Variants in RYR2 observed in about 807,000 individuals in gnomAD.
The protein encoded by RYR2 is cardiac muscle ryanodine receptor-calcium release channel.
In RYR2, 227 loss-of-function variants were observed where a neutral mutation model predicts 601.1. That is an observed-to-expected ratio of 0.38 (90% CI 0.34 to 0.42). The LOEUF (loss-of-function observed/expected upper bound fraction) is 0.42, where lower values mean the gene tolerates loss of function less well. Among genes scored for constraint, RYR2 ranks in the 10% least tolerant of loss-of-function variants. The pLI, the probability that RYR2 is intolerant of heterozygous loss-of-function variation, is 1.00. For missense variants in RYR2, 4,646 were observed against 6,156.5 expected, an observed-to-expected ratio of 0.75 and a Z score of 8.21; for synonymous variants, 2,223 against 2,175.1, an observed-to-expected ratio of 1.02 and a Z score of -0.61.
intron 96 of RYR2, among the ~76,000 whole-genome samples, chr1:237,797,104 A>C (rs1209400215): frequency 6.7e-6 from 1 of 149,616 alleles, no homozygotes; most frequent in African/African-American, 2.5e-5. Context: ...TTACTGTGTA[A>C]GACTCACTCA....
chr1:237,727,146 GA>G lies in RYR2; in HGVS notation c.10789del (p.Arg3597GlyfsTer4). On this transcript the variant is annotated frameshift_variant, in exon 76 of 105. Transcript: ENST00000366574. LOFTEE classifies it high-confidence loss of function. Reference sequence around the variant, plus strand: ...GGCATAAACTACTGTCCAAGCAGAGGAAAAGGGCTGTTGTAGCCTGCTTCCG... The same window carrying G: ...GGCATAAACTACTGTCCAAGCAGAGGAAAGGGCTGTTGTAGCCTGCTTCCG... ...VWHKLLSKQR[K>X]RAVVACFRMA... is the part of the protein sequence containing the mutation. 1 of 1,603,864 alleles carries G rather than the reference GA, an allele frequency of 6.2e-7. No individual in the cohort carries two copies. Among genetic ancestry groups the G allele is most frequent in the Non-Finnish European group, 8.5e-7 (1 of 1,172,926 alleles).
chr1:237,183,190 A>C (rs1282038591), intron 1 of RYR2, among the ~76,000 whole-genome samples: 1 of 152,158 alleles, frequency 6.6e-6, no homozygotes, highest in Non-Finnish European at 1.5e-5. Flanking sequence ...ATATCATCCT[A>C]ACTTCTTAAC....
intron 1 of RYR2, among the ~76,000 whole-genome samples, chr1:237,129,677 A>G (rs1418946807): frequency 6.7e-6 from 1 of 149,578 alleles, no homozygotes; most frequent in Non-Finnish European, 1.5e-5. Flanking sequence ...TATGATATAT[A>G]GTATGATATA....
chr1:237,641,170 C>T (rs1434191436), intron 47 of RYR2, among the ~76,000 whole-genome samples, 168 bp downstream of exon 47: 3 of 152,016 alleles, frequency 2.0e-5, no homozygotes, highest in Non-Finnish European at 4.4e-5. Flanking sequence ...GGAAATGTCT[C>T]GTTGGTTGTA....
intron 37 of RYR2, among the ~76,000 whole-genome samples, chr1:237,616,896 A>G (rs956137754): frequency 4.6e-5 from 7 of 152,098 alleles, no homozygotes; most frequent in African/African-American, 1.7e-4. Context: ...TGTGCAGGGG[A>G]ACTTCCATTT....
rs1572049125 is a variant in RYR2, at chr1:237,159,155, G to T, written c.49-111342G>T. Among the ~76,000 whole-genome samples the T allele has an allele frequency of 3.3e-5, 5 of 152,272 alleles. No homozygotes were observed. In the South Asian group the frequency reaches 1.0e-3, roughly 32 times the overall value. On this transcript the variant is annotated intron_variant, in intron 1 of 104. Coordinates refer to ENST00000366574, the MANE Select transcript of RYR2 (RefSeq NM_001035.3). ...AAAAATACAAAATTAGCTGCGCGTG[G>T]TGGTGCATGCCTGTAATCCCAGCTA...
At chr1:237,090,363 C>T (rs551233227) in intron 1 of RYR2, among the ~76,000 whole-genome samples, 15 of 151,982 alleles carry the variant, frequency 9.9e-5, no homozygotes, top group African/African-American at 3.4e-4. Context: ...TTATCTCGTG[C>T]GGGGGCAGTG....
At position 237,654,222 on chromosome 1, in the gene RYR2, A is replaced by T. The variant is rs557183983; in HGVS notation, c.7825-52A>T. 187 of 1,588,940 alleles carry T rather than the reference A, an allele frequency of 1.2e-4. 1 individual carries two copies. The highest frequency in any genetic ancestry group is 5.5e-4 in the Admixed American group (30 of 54,866). On this transcript the variant is annotated intron_variant, in intron 51 of 104. Transcript: ENST00000366574. ...GTGATATGAGGAGAAATGAAAAAAAAATATAAAAGGTTTTGATAGCTCATT... is the reference window on the plus strand; with the variant it reads ...GTGATATGAGGAGAAATGAAAAAAATATATAAAAGGTTTTGATAGCTCATT...
intron 27 of RYR2, among the ~76,000 whole-genome samples, chr1:237,550,983 C>T (rs1572839452): frequency 6.6e-6 from 1 of 152,142 alleles, no homozygotes; most frequent in East Asian, 1.9e-4. Flanking sequence ...CCTCCCCTAG[C>T]CCACCAGCCC....
intron 2 of RYR2, among the ~76,000 whole-genome samples, chr1:237,273,353 G>A (rs1285931137): frequency 6.6e-6 from 1 of 152,204 alleles, no homozygotes; most frequent in African/African-American, 2.4e-5. Flanking sequence ...TGTACATACA[G>A]ATGAAGCTTG....
At chr1:237,376,773 A>T (rs1321478237) in intron 7 of RYR2, among the ~76,000 whole-genome samples, 1 of 152,164 alleles carries the variant, frequency 6.6e-6, no homozygotes, top group Middle Eastern at 3.2e-3. Context: ...TTACCTTTAG[A>T]TTAATAGAAA....
chr1:237,658,823 A>T (rs1424733644), intron 54 of RYR2, among the ~76,000 whole-genome samples: 2 of 152,238 alleles, frequency 1.3e-5, no homozygotes, highest in African/African-American at 4.8e-5. Context: ...GCAGTTTACT[A>T]AAAATAGATT....
chr1:237,493,748 A>G (rs528702638), intron 19 of RYR2, among the ~76,000 whole-genome samples: 51 of 152,290 alleles, frequency 3.3e-4, no homozygotes, highest in South Asian at 1.5e-3. Context: ...CACTGCGCCC[A>G]GCCCCTTCAA....
chr1:237,715,101 T>G (rs1226889356), intron 71 of RYR2, among the ~76,000 whole-genome samples: 1 of 151,576 alleles, frequency 6.6e-6, no homozygotes, highest in Non-Finnish European at 1.5e-5. Context: ...ATGGGCCATG[T>G]TATTACATCT....
At chr1:237,579,299 C>G (rs1673628910) in intron 29 of RYR2, among the ~76,000 whole-genome samples, 1 of 135,980 alleles carries the variant, frequency 7.4e-6, no homozygotes, top group African/African-American at 2.7e-5. Context: ...TCTTGTTGCC[C>G]AGGCTGGACT....
intron 1 of RYR2, among the ~76,000 whole-genome samples, chr1:237,154,545 T>C (rs908646594): frequency 2.6e-5 from 4 of 152,082 alleles, no homozygotes; most frequent in Non-Finnish European, 5.9e-5. Flanking sequence ...GCAGGTGCAG[T>C]GGTGTGCCTG....
chr1:237,696,283 G>T (rs1436403319), intron 63 of RYR2, among the ~76,000 whole-genome samples: 3 of 152,136 alleles, frequency 2.0e-5, no homozygotes, highest in Non-Finnish European at 4.4e-5. Context: ...CTGATTTGGG[G>T]CTGATTAATA....
intron 3 of RYR2, among the ~76,000 whole-genome samples, chr1:237,345,480 ATAAAAAAAAAT>A (rs1166051444): frequency 6.0e-5 from 9 of 151,252 alleles, no homozygotes; most frequent in African/African-American, 2.2e-4. Context: ...AAAATAAAAA[ATAAAAAAAAAT>A]ATATATATGT....
chr1:237,142,927 A>G (rs1457036981), intron 1 of RYR2, among the ~76,000 whole-genome samples: 1 of 152,210 alleles, frequency 6.6e-6, no homozygotes, highest in Non-Finnish European at 1.5e-5. Flanking sequence ...CCACTGGGAA[A>G]GACATGCATT....
Sources: gnomAD v4.1 joint callset for allele counts (sites outside exome capture counted in the v4.1 genomes callset) on GRCh38, gnomAD v4.1.1 for gene constraint, MANE v1.5 for transcripts, NCBI Gene and HGNC (gene_info 2026-07-23, HGNC 2026-07-21) for gene names.